ATXN2L: variants seen among roughly 807,000 people sequenced by gnomAD.
The protein encoded by ATXN2L is ataxin 2 like, also known as ataxin-2-like protein.
Under a neutral mutation model 120.7 loss-of-function variants are expected in ATXN2L, and 24 were observed. The ratio of observed to expected loss-of-function variants is 0.20; its 90% CI spans 0.14 to 0.28. The LOEUF is 0.28. Ranked by LOEUF, ATXN2L falls within the 10% of genes least tolerant of loss-of-function variation. The probability of loss-of-function intolerance (pLI) is 1.00; values close to 1 mark genes in which losing one functional copy is unlikely to be tolerated. For missense variants in ATXN2L, 1,312 were observed against 1,432.3 expected (o/e 0.92, Z 1.36); for synonymous variants, 653 against 568.1 (o/e 1.15, Z -2.13).
chr16:28,825,989 G>C lies in ATXN2L; in HGVS notation c.465+148G>C, dbSNP rs2051807028. On this transcript the variant is annotated intron_variant, in intron 4 of 21. Coordinates refer to ENST00000336783, the MANE Select transcript of ATXN2L (RefSeq NM_007245.4). ...GCTGAATAGTGCTGCAGGGAAAAAA[G>C]ACAAATTTGAGGGCTGGGTACTTTA... 3.3e-6 allele frequency: 3 copies of C among 904,444 alleles called. No homozygotes were observed. The East Asian group carries it at 7.9e-5, about 24-fold the overall frequency. The allele number at this position is 904,444 out of a possible 1,614,324, so 56.0% of individuals were successfully genotyped here. A position where few individuals can be genotyped will look rare whatever the true frequency, so the allele number is the denominator to read the frequency against.
Position 28,832,385 on chromosome 16 carries a change from T to C in ATXN2L, c.1502T>C (p.Leu501Pro). 3 of 1,614,170 alleles carry C rather than the reference T, an allele frequency of 1.9e-6. No individual in the cohort carries two copies. The highest frequency in any genetic ancestry group is 1.7e-6 in the Non-Finnish European group (2 of 1,179,994). ...TCTCCAGCTTCTCCAAAGATCTCCC[T>C]GGCCCCCACAGATGGTAAGAGCTAG... ...SISPASPKIS[L>P]APTDVKELST... The change falls in exon 11 of 22, where the codon CTG becomes CCG. Residue 501 changes from leucine (L) to proline (P), a missense_variant. Leu to Pro is a moderately conservative substitution (Grantham distance 98, BLOSUM62 -3). Transcript: ENST00000336783.
chr16:28,824,740 A>T, intron 1 of ATXN2L: 2 of 384,760 alleles, frequency 5.2e-6, no homozygotes, highest in South Asian at 2.8e-5. Flanking sequence ...CTTTTTGGTT[A>T]ATACTGTAGC....
chr16:28,833,000 G>GAAGA, intron 13 of ATXN2L, 59 bp from the exon 14 acceptor site: 1 of 1,595,854 alleles, frequency 6.3e-7, no homozygotes, highest in South Asian at 1.1e-5. Flanking sequence ...AAGGATGAAA[G>GAAGA]AAGAAAGCCA....
chr16:28,823,862 A>C lies in ATXN2L; in HGVS notation c.299+304A>C, dbSNP rs1479132853. On this transcript the variant is annotated intron_variant, in intron 1 of 21. Coordinates refer to ENST00000336783, the MANE Select transcript of ATXN2L (RefSeq NM_007245.4). ...TCGGAACGGGGAGTTGGGGGGGGGC[A>C]AGGAGCTGATCGGGGTCCCCGGTTC... 5.7e-5 allele frequency: 18 copies of C among 318,542 alleles called. No individual in the cohort carries two copies. In the East Asian group the frequency reaches 9.4e-4, roughly 17 times the overall value. 19.7% of individuals were successfully genotyped at this position (318,542 alleles called of 1,614,324 possible). A position where few individuals can be genotyped will look rare whatever the true frequency, so the allele number is the denominator to read the frequency against.
At chr16:28,826,582 A>G (rs950535520) in intron 5 of ATXN2L, 192 bp downstream of exon 5, 16 of 650,062 alleles carry the variant, frequency 2.5e-5, no homozygotes, top group East Asian at 1.7e-4. Context: ...CTTGATGTCT[A>G]ATATATAATG....
chr16:28,826,603 C>G (rs975071680), intron 5 of ATXN2L: 1 of 600,586 alleles, frequency 1.7e-6, no homozygotes, highest in Non-Finnish European at 2.8e-6. Flanking sequence ...CGATGAATTC[C>G]TGTCTGTGTT....
At position 28,823,413 on chromosome 16, in the gene ATXN2L, C is replaced by A. The variant is rs1482655310; in HGVS notation, c.154C>A (p.Pro52Thr). Residue 52 changes from proline to threonine, a missense_variant, in exon 1 of 22, where the codon CCA becomes ACA. Transcript: ENST00000336783. Reference protein sequence around the residue: ...LATSAAPPGPPAAASPCLGPV... With the variant: ...LATSAAPPGPTAAASPCLGPV... ...CACCTCTGCGGCTCCTCCCGGGCCT[C>A]CAGCGGCCGCCTCCCCCTGCCTGGG... The A allele has an allele frequency of 1.5e-6, 2 of 1,306,138 alleles. No individual in the cohort carries two copies. Among genetic ancestry groups the A allele is most frequent in the African/African-American group, 1.5e-5 (1 of 64,850 alleles). The allele number at this position is 1,306,138 out of a possible 1,614,324, so 80.9% of individuals were successfully genotyped here.
In ATXN2L at chr16:28,836,804, C is replaced by T. The variant is rs1567444333; in HGVS notation, c.*539C>T. On this transcript the variant is annotated 3_prime_UTR_variant, in exon 22 of 22. Coordinates refer to ENST00000336783, the MANE Select transcript of ATXN2L (RefSeq NM_007245.4). Reference sequence around the variant, plus strand: ...GATTGTCCTGGCCGCGACCTGAGACCTCCATGAGTGGAGGGAAGAGTGATC... The same window carrying T: ...GATTGTCCTGGCCGCGACCTGAGACTTCCATGAGTGGAGGGAAGAGTGATC... 1.2e-6 allele frequency: 2 copies of T among 1,613,770 alleles called. No homozygotes were observed. The highest frequency in any genetic ancestry group is 1.7e-6 in the Non-Finnish European group (2 of 1,179,822).
chr16:28,833,580 G>A (rs1007252732), intron 15 of ATXN2L, 72 bp downstream of exon 15: 152 of 1,455,940 alleles, frequency 1.0e-4, no homozygotes, highest in Non-Finnish European at 1.3e-4. Context: ...AGATGAATAG[G>A]GGGAGGAACA....
rs765367957 is a variant in ATXN2L, at chr16:28,835,309, C to T, written c.2595C>T (p.Ala865=). 2 of 1,613,836 alleles carry T rather than the reference C, an allele frequency of 1.2e-6. No individual in the cohort carries two copies. Among genetic ancestry groups the T allele is most frequent in the South Asian group, 2.2e-5 (2 of 91,090 alleles). Reference sequence around the variant, plus strand: ...TTCACCAGTCCTACCCACACCATGCCACACAGCTCCATGCCCACCAGCCGC... The same window carrying T: ...TTCACCAGTCCTACCCACACCATGCTACACAGCTCCATGCCCACCAGCCGC... The part of the protein sequence containing the change: ...ATVHQSYPHH[A]TQLHAHQPQP... The change falls in exon 20 of 22, where the codon GCC becomes GCT. Residue 865 remains alanine, a synonymous_variant. Coordinates refer to ENST00000336783, the MANE Select transcript of ATXN2L (RefSeq NM_007245.4).
In ATXN2L at chr16:28,832,974, AGAGAT is replaced by A. The variant is rs1377777112; in HGVS notation, c.1660-79_1660-75del. The A allele has an allele frequency of 7.5e-6, 12 of 1,591,640 alleles. No homozygotes were observed. In the African/African-American group the frequency reaches 1.4e-4, roughly 18 times the overall value. ...AGGCAAAGGACTAGATAGGAGTCAA[AGAGAT>A]GAGATCAAAAAAGGATGAAAGAAGA... On this transcript the variant is annotated intron_variant, in intron 13 of 21. Coordinates refer to ENST00000336783, the MANE Select transcript of ATXN2L (RefSeq NM_007245.4).
At chr16:28,827,745 AAAT>A (rs1304874276) in intron 6 of ATXN2L, among the ~76,000 whole-genome samples, 1 of 150,066 alleles carries the variant, frequency 6.7e-6, no homozygotes, top group Admixed American at 6.6e-5. Flanking sequence ...TCAAAAAAAT[AAAT>A]AAAAACCGCT....
At position 28,832,315 on chromosome 16, in the gene ATXN2L, A is replaced by G; in HGVS notation, c.1432A>G (p.Ile478Val). ...GGCAGTGCCAACCTCTTCAGCCTCC[A>G]TCCCTGTGACCTCATCAGTCTCAGA... ...GSAVPTSSAS[I>V]PVTSSVSDPG... The change falls in exon 11 of 22, where the codon ATC (isoleucine) becomes GTC (valine). Residue 478 changes from isoleucine to valine, a missense_variant. Coordinates refer to ENST00000336783, the MANE Select transcript of ATXN2L (RefSeq NM_007245.4). 6.2e-7 allele frequency: 1 copy of G among 1,613,958 alleles called. No homozygotes were observed. Among genetic ancestry groups the G allele is most frequent in the Non-Finnish European group, 8.5e-7 (1 of 1,180,002 alleles).
rs1407569468 is a variant in ATXN2L at position 28,833,329 on chromosome 16, G to C, written c.1930G>C (p.Asp644His). 6.2e-7 allele frequency: 1 copy of C among 1,613,416 alleles called. No homozygotes were observed. The change falls in exon 14 of 22, where the codon GAC becomes CAC. Residue 644 changes from aspartate (D) to histidine (H), a missense_variant. By Grantham distance (81) the Asp-to-His change is moderately conservative (BLOSUM62 -1). Transcript: ENST00000336783. ...CCCGGTGGGCCTCATCAAGGGAGAA[G>C]ACAAAGATGAGGGCCCTGTTGCTGA... ...SPPVGLIKGE[D>H]KDEGPVAEQV...
rs766430193 is a variant in ATXN2L at position 28,835,683 on chromosome 16, C to T, written c.2820C>T (p.Pro940=). Residue 940 remains proline, a synonymous_variant, in exon 21 of 22, where the codon CCC becomes CCT. Coordinates refer to ENST00000336783, the MANE Select transcript of ATXN2L (RefSeq NM_007245.4). The stretch of plus-strand genomic sequence containing the variant: ...CCCAGTCCCCTCAGAGCAGCTTCCC[C>T]CAGCCAGCCGCTGTGTATGCCATCC... ...PSAQSPQSSF[P]QPAAVYAIHH... 9.3e-6 allele frequency: 15 copies of T among 1,614,110 alleles called. No homozygotes were observed. Among genetic ancestry groups the T allele is most frequent in the Non-Finnish European group, 1.3e-5 (15 of 1,179,994 alleles).
chr16:28,826,602 C>T (rs980178914), intron 5 of ATXN2L: 8 of 597,946 alleles, frequency 1.3e-5, no homozygotes, highest in Non-Finnish European at 2.2e-5. Flanking sequence ...GCGATGAATT[C>T]CTGTCTGTGT....
At chr16:28,829,277 A>G in intron 6 of ATXN2L, 124 bp from the exon 7 acceptor site, 1 of 697,704 alleles carries the variant, frequency 1.4e-6, no homozygotes, top group South Asian at 1.7e-5. Context: ...TACTGGGATT[A>G]CAGGTTTCAG....
Position 28,833,422 on chromosome 16 carries a change from T to C in ATXN2L, c.1956-17T>C, listed in dbSNP as rs1413645071. On this transcript the variant is annotated splice_polypyrimidine_tract_variant and intron_variant, in intron 14 of 21. Coordinates refer to ENST00000336783, the MANE Select transcript of ATXN2L (RefSeq NM_007245.4). ...ATGAGAGCAAGCCGTGAAGATTTAC[T>C]GTACTTTCTCTCACAGACAAGTAAA... is the stretch of plus-strand genomic sequence containing the variant. The C allele has an allele frequency of 1.2e-6, 2 of 1,614,032 alleles. No individual in the cohort carries two copies. The highest frequency in any genetic ancestry group is 1.1e-5 in the South Asian group (1 of 91,090).
chr16:28,836,365 G>A lies in ATXN2L; in HGVS notation c.*100G>A. On this transcript the variant is annotated 3_prime_UTR_variant, in exon 22 of 22. Coordinates refer to ENST00000336783, the MANE Select transcript of ATXN2L (RefSeq NM_007245.4). Reference sequence around the variant, plus strand: ...AGAAGCCACAGTCGCCGCCGCCAGGGGCTTGCTCCTGGCTCTGTCCTTTGC... The same window carrying A: ...AGAAGCCACAGTCGCCGCCGCCAGGAGCTTGCTCCTGGCTCTGTCCTTTGC... The A allele has an allele frequency of 6.2e-7, 1 of 1,613,534 alleles. No homozygotes were observed. Among genetic ancestry groups the A allele is most frequent in the Non-Finnish European group, 8.5e-7 (1 of 1,179,912 alleles).
Sources: allele counts gnomAD v4.1 joint callset (sites outside exome capture counted in the v4.1 genomes callset), GRCh38; gene constraint gnomAD v4.1.1; transcripts MANE v1.5; gene names NCBI Gene and HGNC (gene_info 2026-07-23, HGNC 2026-07-21).